The following SLC22A3 variants were observed in gnomAD, a reference collection of about 807,000 sequenced individuals.
The protein encoded by SLC22A3 is solute carrier family 22 member 3, also known as EMT organic cation transporter 3.
In SLC22A3, 51 loss-of-function variants were observed where a neutral mutation model predicts 59.1. The observed-to-expected ratio is 0.86, with a 90% CI of 0.69 to 1.09. The LOEUF is 1.09. Among genes scored for constraint, SLC22A3 ranks in the 50% least tolerant of loss-of-function variants. The pLI, the probability that SLC22A3 is intolerant of heterozygous loss-of-function variation, is 0.00. For missense variants in SLC22A3, 711 were observed against 726.3 expected (o/e 0.98, Z 0.24); for synonymous variants, 325 against 292.0 (o/e 1.11, Z -1.15).
At chr6:160,394,391 C>A (rs1347883703) in intron 1 of SLC22A3, among the ~76,000 whole-genome samples, 1 of 152,194 alleles carries the variant, frequency 6.6e-6, no homozygotes, top group East Asian at 1.9e-4. Flanking sequence ...ACGAAAGATA[C>A]ATCGCAGGCC....
Position 160,376,525 on chromosome 6 carries a change from ATT to A in SLC22A3, c.430-21446_430-21445del, listed in dbSNP as rs11290479. Among the ~76,000 whole-genome samples, 828 of 151,910 alleles carry A rather than the reference ATT, an allele frequency of 5.5e-3. 8 individuals are homozygous for A. The highest frequency in any genetic ancestry group is 0.019 in the African/African-American group (772 of 41,410). ...ATCCCAGAACTTAAACTAAACTAAA[ATT>A]TTTTTTTAAGTGAATTTTAGCCACT... On this transcript the variant is annotated intron_variant, in intron 1 of 10. Transcript: ENST00000275300.
rs752096378 is a variant in SLC22A3, at chr6:160,397,963, TTC to T, written c.430-14_430-13del. 15 of 1,597,248 alleles carry T rather than the reference TTC, an allele frequency of 9.4e-6. No homozygotes were observed. In the South Asian group the frequency reaches 1.5e-4, roughly 16 times the overall value. ...ATTCTGGCATGTCTCCATGTGTGTT[TTC>T]TTTGTTTTCTCAGTTTGACCTTGTC... On this transcript the variant is annotated splice_polypyrimidine_tract_variant and intron_variant, in intron 1 of 10. Transcript: ENST00000275300.
In SLC22A3 at chr6:160,415,241, C is replaced by A. The variant is rs1308750247; in HGVS notation, c.975+4395C>A. Reference sequence around the variant, plus strand: ...TATGGGCCACGTCATAGTTTTCCATCTCAAAGGTCCTTATGTCCCCACAAG... The same window carrying A: ...TATGGGCCACGTCATAGTTTTCCATATCAAAGGTCCTTATGTCCCCACAAG... On this transcript the variant is annotated intron_variant, in intron 5 of 10. Coordinates refer to ENST00000275300, the MANE Select transcript of SLC22A3 (RefSeq NM_021977.4). The surrounding 1 kb of genome is among the most constrained non-coding windows in gnomAD (Gnocchi z 4.1). Among the ~76,000 whole-genome samples, 1 of 152,182 alleles carries A rather than the reference C, an allele frequency of 6.6e-6. No individual in the cohort carries two copies. Among genetic ancestry groups the A allele is most frequent in the Non-Finnish European group, 1.5e-5 (1 of 68,038 alleles).
chr6:160,350,744 G>T (rs1410964503), intron 1 of SLC22A3, among the ~76,000 whole-genome samples: 1 of 152,198 alleles, frequency 6.6e-6, no homozygotes, highest in Non-Finnish European at 1.5e-5. Context: ...GGATACTTTG[G>T]AAGCATTCTG....
At chr6:160,441,878 G>A (rs1788555536) in intron 7 of SLC22A3, among the ~76,000 whole-genome samples, 1 of 152,170 alleles carries the variant, frequency 6.6e-6, no homozygotes, top group East Asian at 1.9e-4. Flanking sequence ...GCAGACATAT[G>A]TCCTCAATAC....
At chr6:160,389,097 G>A (rs561497126) in intron 1 of SLC22A3, among the ~76,000 whole-genome samples, 52 of 152,246 alleles carry the variant, frequency 3.4e-4, no homozygotes, top group African/African-American at 1.2e-3. Flanking sequence ...ACTGGCTAGA[G>A]CATCCAATTT....
chr6:160,413,212 G>A (rs1366733657), intron 5 of SLC22A3, among the ~76,000 whole-genome samples: 1 of 152,132 alleles, frequency 6.6e-6, no homozygotes, highest in Non-Finnish European at 1.5e-5. Flanking sequence ...CACATCCCAT[G>A]AGTGTACAGT....
chr6:160,393,281 T>C (rs978829660), intron 1 of SLC22A3, among the ~76,000 whole-genome samples: 5 of 150,438 alleles, frequency 3.3e-5, no homozygotes, highest in Non-Finnish European at 7.4e-5. Flanking sequence ...ATTTATTTAT[T>C]TTATTTATTT....
intron 7 of SLC22A3, among the ~76,000 whole-genome samples, chr6:160,441,684 ATCC>A (rs1788548021): frequency 7.0e-6 from 1 of 143,134 alleles, no homozygotes; most frequent in Non-Finnish European, 1.5e-5. Flanking sequence ...CTCTTCTTTC[ATCC>A]TCCTCATTCA....
intron 5 of SLC22A3, among the ~76,000 whole-genome samples, chr6:160,417,567 TA>T (rs1379971812): frequency 3.3e-5 from 5 of 152,312 alleles, no homozygotes; most frequent in Middle Eastern, 3.4e-3. Flanking sequence ...TGTGGTAGAT[TA>T]AATTACTGTT....
chr6:160,391,201 GA>G (rs1370767160), intron 1 of SLC22A3, among the ~76,000 whole-genome samples: 1 of 150,434 alleles, frequency 6.6e-6, no homozygotes, highest in Admixed American at 6.6e-5. Context: ...AGGGAGGGGG[GA>G]AGCCAGTCCT....
chr6:160,348,406 G>C lies in SLC22A3; in HGVS notation c.-14G>C. The C allele has an allele frequency of 6.9e-7, 1 of 1,444,524 alleles. No individual in the cohort carries two copies. The highest frequency in any genetic ancestry group is 9.0e-7 in the Non-Finnish European group (1 of 1,105,010). 89.5% of individuals were successfully genotyped at this position (1,444,524 alleles called of 1,614,324 possible). ...CCGAGGCGCGGGCTGCGGGCGGCGG[G>C]CGGCGGGCGCACCATGCCCTCCTTC... On this transcript the variant is annotated 5_prime_UTR_variant, in exon 1 of 11. Transcript: ENST00000275300.
chr6:160,413,055 A>G (rs943945996), intron 5 of SLC22A3, among the ~76,000 whole-genome samples: 1 of 152,192 alleles, frequency 6.6e-6, no homozygotes, highest in Non-Finnish European at 1.5e-5. Flanking sequence ...ATAAGAATAT[A>G]GAAAGGAATC....
rs1787447846 is a variant in SLC22A3, at chr6:160,415,479, T to C, written c.975+4633T>C. 6.6e-6 allele frequency among the ~76,000 whole-genome samples: 1 copy of C among 152,200 alleles called. No homozygotes were observed. The highest frequency in any genetic ancestry group is 2.4e-5 in the African/African-American group (1 of 41,456). On this transcript the variant is annotated intron_variant, in intron 5 of 10. Coordinates refer to ENST00000275300, the MANE Select transcript of SLC22A3 (RefSeq NM_021977.4). The surrounding 1 kb of genome is among the most constrained non-coding windows in gnomAD (Gnocchi z 4.1). Reference sequence around the variant, plus strand: ...TTAGGATAGCCTTGAAACTGTATGTTTACACAGTTACTTTCACATTAACCC... The same window carrying C: ...TTAGGATAGCCTTGAAACTGTATGTCTACACAGTTACTTTCACATTAACCC...
intron 1 of SLC22A3, among the ~76,000 whole-genome samples, chr6:160,350,967 T>A (rs1051927272): frequency 5.3e-5 from 8 of 152,152 alleles, no homozygotes; most frequent in Admixed American, 1.3e-4. Context: ...ATGCTCCAAA[T>A]GCCATCAGGG....
chr6:160,443,214 C>A (rs1420514575), intron 8 of SLC22A3, among the ~76,000 whole-genome samples: 1 of 152,242 alleles, frequency 6.6e-6, no homozygotes, highest in Non-Finnish European at 1.5e-5. Flanking sequence ...TATGGCCTCT[C>A]TTTGACTGCA....
chr6:160,448,412 TAA>T (rs1178698817), intron 10 of SLC22A3, among the ~76,000 whole-genome samples: 1 of 152,106 alleles, frequency 6.6e-6, no homozygotes, highest in Non-Finnish European at 1.5e-5. Context: ...CATAGATAGA[TAA>T]GTGATAGTAG....
At chr6:160,410,276 C>A (rs546296970) in intron 4 of SLC22A3, among the ~76,000 whole-genome samples, 1 of 152,204 alleles carries the variant, frequency 6.6e-6, no homozygotes, top group Non-Finnish European at 1.5e-5. Context: ...CTCGGCCTCC[C>A]AAAAGGCTGG....
chr6:160,401,357 C>T (rs1190847965), intron 2 of SLC22A3, among the ~76,000 whole-genome samples: 2 of 151,522 alleles, frequency 1.3e-5, no homozygotes, highest in African/African-American at 2.4e-5. Context: ...AAAATTACAC[C>T]CTACTTCTTT....
Sources: gnomAD v4.1 joint callset for allele counts (sites outside exome capture counted in the v4.1 genomes callset) on GRCh38, gnomAD v4.1.1 for gene constraint, Gnocchi (gnomAD v3.1) non-coding constraint, MANE v1.5 for transcripts, NCBI Gene and HGNC (gene_info 2026-07-23, HGNC 2026-07-21) for gene names.